Variants in CLSTN2 observed in about 807,000 individuals in gnomAD.
CLSTN2 encodes the protein calsyntenin 2, also known as calsyntenin-2.
Under a neutral mutation model 101.2 loss-of-function variants are expected in CLSTN2, and 48 were observed. That is an observed-to-expected ratio of 0.47 (90% CI 0.38 to 0.60). CLSTN2 has a LOEUF of 0.60. CLSTN2 is among the 20% of genes least tolerant of loss of function. The pLI is 0.00. For missense variants in CLSTN2, 1,160 were observed against 1,238.2 expected (o/e 0.94, Z 0.95); for synonymous variants, 481 against 463.6 (o/e 1.04, Z -0.48).
intron 1 of CLSTN2, among the ~76,000 whole-genome samples, chr3:140,153,226 T>C (rs1377719260): frequency 6.6e-6 from 1 of 152,200 alleles, no homozygotes; most frequent in Non-Finnish European, 1.5e-5. Flanking sequence ...GGCTGCTTTA[T>C]AAAGATGTAG....
intron 9 of CLSTN2, among the ~76,000 whole-genome samples, chr3:140,543,787 A>T (rs939263764): frequency 6.6e-6 from 1 of 152,368 alleles, no homozygotes; most frequent in African/African-American, 2.4e-5. Context: ...CTTTTTATAC[A>T]GAGGTTGACA....
rs142215344 is a variant in CLSTN2, at chr3:140,381,594, C to T, written c.233-22035C>T. On this transcript the variant is annotated intron_variant, in intron 2 of 16. Transcript: ENST00000458420. ...ATCATAAATGTGAGTTCTCATTGTT[C>T]CACTTACTGGCCATACTGTTACCCC... Among the ~76,000 whole-genome samples, 253 of 152,316 alleles carry T rather than the reference C, an allele frequency of 1.7e-3. 3 individuals are homozygous for T. The highest frequency in any genetic ancestry group is 5.8e-3 in the African/African-American group (241 of 41,564).
intron 1 of CLSTN2, among the ~76,000 whole-genome samples, chr3:140,159,962 A>T (rs982727469): frequency 6.6e-6 from 1 of 152,068 alleles, no homozygotes; most frequent in Non-Finnish European, 1.5e-5. Flanking sequence ...AACATTGGGT[A>T]CTCATGGACA....
intron 3 of CLSTN2, 70 bp from the exon 4 acceptor site, chr3:140,404,488 C>T: frequency 7.0e-7 from 1 of 1,437,148 alleles, no homozygotes; most frequent in Non-Finnish European, 9.7e-7. Flanking sequence ...GTCAGTGCCC[C>T]CAGGAGGTAC....
chr3:140,481,994 G>A (rs1476233362), intron 8 of CLSTN2, among the ~76,000 whole-genome samples: 2 of 152,188 alleles, frequency 1.3e-5, no homozygotes, highest in East Asian at 3.8e-4. Context: ...TGTTGAATAG[G>A]AGTGGTGAGA....
intron 1 of CLSTN2, among the ~76,000 whole-genome samples, chr3:140,053,287 C>A (rs1474938192): frequency 6.6e-6 from 1 of 152,204 alleles, no homozygotes; most frequent in African/African-American, 2.4e-5. Flanking sequence ...TCAGCCACCA[C>A]CAGCACACAG....
At chr3:140,346,408 A>G (rs2087546169) in intron 2 of CLSTN2, among the ~76,000 whole-genome samples, 3 of 152,114 alleles carry the variant, frequency 2.0e-5, no homozygotes, top group African/African-American at 7.2e-5. Flanking sequence ...GTTTCTGGTG[A>G]CCCATACTCT....
At chr3:140,224,560 G>A in intron 2 of CLSTN2, among the ~76,000 whole-genome samples, 1 of 152,152 alleles carries the variant, frequency 6.6e-6, no homozygotes, top group Non-Finnish European at 1.5e-5. Flanking sequence ...AGTCCTCAAA[G>A]TGTGACCCAC....
In CLSTN2 at chr3:140,568,734, T is replaced by C. The variant is rs1369881064; in HGVS notation, c.*2481T>C. The C allele has an allele frequency of 6.6e-6, 1 of 152,194 alleles. No individual in the cohort carries two copies. Among genetic ancestry groups the C allele is most frequent in the Admixed American group, 6.5e-5 (1 of 15,276 alleles). The allele number at this position is 152,194 out of a possible 1,614,324, so 9.4% of individuals were successfully genotyped here. A position where few individuals can be genotyped will look rare whatever the true frequency, so the allele number is the denominator to read the frequency against. On this transcript the variant is annotated 3_prime_UTR_variant, in exon 17 of 17. Coordinates refer to ENST00000458420, the MANE Select transcript of CLSTN2 (RefSeq NM_022131.3). ...TTTTCTCTTTGCTCAGTCTTTTCGA[T>C]CTGGTTGGGTAGGGAAGGTGTTCCT... is the stretch of plus-strand genomic sequence containing the variant.
intron 16 of CLSTN2, 94 bp from the exon 17 acceptor site, chr3:140,565,959 G>A (rs545366822): frequency 3.1e-5 from 46 of 1,491,470 alleles, no homozygotes; most frequent in African/African-American, 1.8e-4. Context: ...CCAAGGGGCC[G>A]TAAATGTTTC....
At chr3:140,564,224 C>A in intron 16 of CLSTN2, 79 bp downstream of exon 16, 2 of 1,314,180 alleles carry the variant, frequency 1.5e-6, no homozygotes, top group Non-Finnish European at 2.1e-6. Flanking sequence ...ATGCCTAAAG[C>A]AGCCCCATAC....
intron 1 of CLSTN2, among the ~76,000 whole-genome samples, chr3:140,134,457 A>C (rs1301479826): frequency 6.6e-6 from 1 of 152,098 alleles, no homozygotes; most frequent in African/African-American, 2.4e-5. Context: ...GCCTCCTGGG[A>C]AGAGCAACCA....
At chr3:140,354,949 G>A (rs2087652724) in intron 2 of CLSTN2, among the ~76,000 whole-genome samples, 1 of 152,128 alleles carries the variant, frequency 6.6e-6, no homozygotes, top group Non-Finnish European at 1.5e-5. Flanking sequence ...GGTGTGAGGT[G>A]GCTCTTCAAA....
In CLSTN2 at chr3:140,568,980, A is replaced by T. The variant is rs1559908008; in HGVS notation, c.*2727A>T. 6.6e-6 allele frequency: 1 copy of T among 152,218 alleles called. No homozygotes were observed. Among genetic ancestry groups the T allele is most frequent in the East Asian group, 1.9e-4 (1 of 5,196 alleles). 9.4% of individuals were successfully genotyped at this position (152,218 alleles called of 1,614,324 possible). On this transcript the variant is annotated 3_prime_UTR_variant, in exon 17 of 17. Transcript: ENST00000458420. ...AGCTGTTTCCCTCAACTCTGGCTAT[A>T]AGAGGTCATTCTCTGCATGTCAGCT... is the stretch of plus-strand genomic sequence containing the variant.
At chr3:140,484,503 G>A (rs1243184448) in intron 8 of CLSTN2, among the ~76,000 whole-genome samples, 1 of 151,474 alleles carries the variant, frequency 6.6e-6, no homozygotes, top group South Asian at 2.1e-4. Flanking sequence ...GAATTTGAAT[G>A]TTGGCCTGCC....
intron 1 of CLSTN2, among the ~76,000 whole-genome samples, chr3:140,128,910 A>T (rs2009477930): frequency 6.6e-6 from 1 of 152,130 alleles, no homozygotes; most frequent in Non-Finnish European, 1.5e-5. Flanking sequence ...TGAGTGGATA[A>T]TGTGAGATTA....
intron 1 of CLSTN2, among the ~76,000 whole-genome samples, chr3:140,053,716 C>A (rs1341171915): frequency 1.3e-5 from 2 of 152,192 alleles, no homozygotes; most frequent in South Asian, 4.1e-4. Context: ...TTCATTCCTG[C>A]CCCCTGAGCT....
intron 2 of CLSTN2, among the ~76,000 whole-genome samples, chr3:140,276,324 A>G (rs1459000676): frequency 6.6e-6 from 1 of 152,176 alleles, no homozygotes; most frequent in Non-Finnish European, 1.5e-5. Context: ...TTTAACTTCC[A>G]GAAAGCAGTC....
chr3:140,566,002 G>A (rs1441009352), intron 16 of CLSTN2, 51 bp from the exon 17 acceptor site: 2 of 1,609,192 alleles, frequency 1.2e-6, no homozygotes, highest in South Asian at 1.1e-5. Flanking sequence ...GCTCCAAAAT[G>A]GCCTCTGTTC....
Sources: allele counts gnomAD v4.1 joint callset (sites outside exome capture counted in the v4.1 genomes callset), GRCh38; gene constraint gnomAD v4.1.1; transcripts MANE v1.5; gene names NCBI Gene and HGNC (gene_info 2026-07-23, HGNC 2026-07-21).